The following PLEKHM1 variants were observed in gnomAD, a reference collection of about 807,000 sequenced individuals.
PLEKHM1 encodes pleckstrin homology domain-containing family M member 1.
Under a neutral mutation model 94.3 loss-of-function variants are expected in PLEKHM1, and 28 were observed. The observed-to-expected ratio is 0.30, with a 90% CI of 0.22 to 0.41. PLEKHM1 has a LOEUF of 0.41. PLEKHM1 is among the 10% of genes least tolerant of loss of function. The probability of loss-of-function intolerance (pLI) is 1.00; values close to 1 mark genes in which losing one functional copy is unlikely to be tolerated. For missense variants in PLEKHM1, 907 were observed against 1,358.6 expected (o/e 0.67, Z 5.22); for synonymous variants, 424 against 581.2 (o/e 0.73, Z 3.89).
chr17:45,437,717 T>G lies in PLEKHM1; in HGVS notation c.*141A>C. On this transcript the variant is annotated 3_prime_UTR_variant, in exon 12 of 12. Transcript: ENST00000430334. This position sits in a 1 kb window ranked among gnomAD's most constrained non-coding sequence, Gnocchi z 4.0. The stretch of plus-strand genomic sequence containing the variant: ...TCCTGGGCTTTCTCTGGGAGGCCGG[T>G]GCTCTGGCCACATCTGAGGGTCTTC... 4.0e-6 allele frequency: 3 copies of G among 743,306 alleles called. No individual in the cohort carries two copies. Among genetic ancestry groups the G allele is most frequent in the Non-Finnish European group, 7.2e-6 (3 of 417,796 alleles). 46.0% of individuals were successfully genotyped at this position (743,306 alleles called of 1,614,324 possible). A position where few individuals can be genotyped will look rare whatever the true frequency, so the allele number is the denominator to read the frequency against.
rs1274455772 is a variant in PLEKHM1 at position 45,437,547 on chromosome 17, A to C, written c.*311T>G. On this transcript the variant is annotated 3_prime_UTR_variant, in exon 12 of 12. Transcript: ENST00000430334. This position sits in a 1 kb window ranked among gnomAD's most constrained non-coding sequence, Gnocchi z 4.0. ...AGTCCCCTTTCCACAGTGTTTGGGC[A>C]GCCCTAACGGAGGCGCCGGGACGCT... 7 of 606,786 alleles carry C rather than the reference A, an allele frequency of 1.2e-5. No individual in the cohort carries two copies. The Admixed American group carries it at 1.5e-4, about 13-fold the overall frequency. 37.6% of individuals were successfully genotyped at this position (606,786 alleles called of 1,614,324 possible).
intron 1 of PLEKHM1, among the ~76,000 whole-genome samples, chr17:45,484,047 C>T (rs1187875142): frequency 2.0e-5 from 3 of 152,252 alleles, no homozygotes; most frequent in African/African-American, 7.2e-5. Flanking sequence ...TTAGACACAA[C>T]TGACCAGCAT....
chr17:45,454,250 A>G lies in PLEKHM1; in HGVS notation c.1602T>C (p.Gly534=). ...GCTCCACGGTGCCCAGCTTCATGAGACCCCGGAATGGGTTGGACAGTCCTG... is the reference window on the plus strand; with the variant it reads ...GCTCCACGGTGCCCAGCTTCATGAGGCCCCGGAATGGGTTGGACAGTCCTG... ...RQMGLSNPFR[G]LMKLGTVERR... is the part of the protein sequence containing the mutation. Residue 534 remains glycine (G), a synonymous_variant, in exon 7 of 12, where the codon GGT becomes GGC. Coordinates refer to ENST00000430334, the MANE Select transcript of PLEKHM1 (RefSeq NM_014798.3). 6.2e-7 allele frequency: 1 copy of G among 1,608,714 alleles called. No homozygotes were observed. The highest frequency in any genetic ancestry group is 8.5e-7 in the Non-Finnish European group (1 of 1,177,874).
In PLEKHM1 at chr17:45,436,302, T is replaced by C. The variant is rs1305470456; in HGVS notation, c.*1556A>G. 2.2e-6 allele frequency: 1 copy of C among 454,186 alleles called. No homozygotes were observed. The highest frequency in any genetic ancestry group is 4.4e-6 in the Non-Finnish European group (1 of 226,808). 28.1% of individuals were successfully genotyped at this position (454,186 alleles called of 1,614,324 possible). ...CCATGGCGGTGCATAACCCAGCTCC[T>C]GGCTTAGGAGGCATTGGCGTCTGGG... On this transcript the variant is annotated 3_prime_UTR_variant, in exon 12 of 12. Coordinates refer to ENST00000430334, the MANE Select transcript of PLEKHM1 (RefSeq NM_014798.3).
At position 45,440,234 on chromosome 17, in the gene PLEKHM1, C is replaced by CA; in HGVS notation, c.2838-9dup. Reference sequence around the variant, plus strand: ...TAATTCCTGTGGTTGAGCCTTCAAACAAAACACAAGCGATTCTTTAGAAAG... The same window carrying CA: ...TAATTCCTGTGGTTGAGCCTTCAAACAAAAACACAAGCGATTCTTTAGAAAG... On this transcript the variant is annotated splice_polypyrimidine_tract_variant and intron_variant, in intron 9 of 11. Transcript: ENST00000430334. The CA allele has an allele frequency of 3.7e-6, 6 of 1,613,710 alleles. No homozygotes were observed. The highest frequency in any genetic ancestry group is 5.1e-6 in the Non-Finnish European group (6 of 1,179,602).
rs1430089848 is a variant in PLEKHM1 at position 45,437,490 on chromosome 17, A to C, written c.*368T>G. On this transcript the variant is annotated 3_prime_UTR_variant, in exon 12 of 12. Transcript: ENST00000430334. The surrounding 1 kb of genome is among the most constrained non-coding windows in gnomAD (Gnocchi z 4.0). ...CCCACCTTAAAAAACTAGACCTTTT[A>C]ATCAGGAATGTGGAATTGAAAATGC... 3.9e-6 allele frequency: 2 copies of C among 510,392 alleles called. No homozygotes were observed. Among genetic ancestry groups the C allele is most frequent in the Non-Finnish European group, 3.8e-6 (1 of 263,934 alleles). 31.6% of individuals were successfully genotyped at this position (510,392 alleles called of 1,614,324 possible).
At chr17:45,438,620 G>A (rs1173656031) in intron 11 of PLEKHM1, among the ~76,000 whole-genome samples, 1 of 151,740 alleles carries the variant, frequency 6.6e-6, no homozygotes, top group Non-Finnish European at 1.5e-5. Context: ...GCAGTGGCAC[G>A]ATCTCGGCTC....
At chr17:45,472,895 G>A (rs2051563072) in intron 4 of PLEKHM1, among the ~76,000 whole-genome samples, 1 of 152,158 alleles carries the variant, frequency 6.6e-6, no homozygotes, top group Non-Finnish European at 1.5e-5. Flanking sequence ...AGGGCACAGG[G>A]CGAGTGGAAA....
At chr17:45,487,662 T>C (rs946942364) in intron 1 of PLEKHM1, 6 of 455,720 alleles carry the variant, frequency 1.3e-5, no homozygotes, top group Admixed American at 1.2e-4. Context: ...CTTCTCTATA[T>C]GTCCAATTTC....
At chr17:45,467,813 T>A (rs887408194) in intron 5 of PLEKHM1, among the ~76,000 whole-genome samples, 7 of 151,910 alleles carry the variant, frequency 4.6e-5, no homozygotes, top group Non-Finnish European at 1.0e-4. Context: ...TAATAACAAG[T>A]ACTAAGGAGG....
chr17:45,478,572 G>A (rs2051834843), intron 2 of PLEKHM1, among the ~76,000 whole-genome samples: 1 of 152,176 alleles, frequency 6.6e-6, no homozygotes, highest in Admixed American at 6.5e-5. Flanking sequence ...CTTCTGTAGA[G>A]AATCAATAAG....
At chr17:45,485,149 C>T (rs1365985779) in intron 1 of PLEKHM1, among the ~76,000 whole-genome samples, 1 of 152,144 alleles carries the variant, frequency 6.6e-6, no homozygotes, top group African/African-American at 2.4e-5. Context: ...ATTCTCAGAG[C>T]CCTCCTCTGG....
At chr17:45,440,642 G>A (rs1293578662) in intron 9 of PLEKHM1, among the ~76,000 whole-genome samples, 1 of 152,242 alleles carries the variant, frequency 6.6e-6, no homozygotes, top group Non-Finnish European at 1.5e-5. Flanking sequence ...ATAATTCTGT[G>A]AGGCTGGTAC....
chr17:45,486,033 G>A (rs1285750169), intron 1 of PLEKHM1, among the ~76,000 whole-genome samples: 5 of 149,998 alleles, frequency 3.3e-5, no homozygotes, highest in African/African-American at 4.9e-5. Context: ...TGGCTAACAC[G>A]GTGAAACCCC....
Position 45,445,467 on chromosome 17 carries a change from C to T in PLEKHM1, c.2837+3G>A, listed in dbSNP as rs377555906. ...CACACGCATACACGTAGAGGTTGCT[C>T]ACCTCTTGCTGAGCTCCTTCAGGGC... On this transcript the variant is annotated splice_donor_region_variant and intron_variant, in intron 9 of 11. Transcript: ENST00000430334. The surrounding 1 kb of genome is among the most constrained non-coding windows in gnomAD (Gnocchi z 4.2). 207 of 1,610,908 alleles carry T rather than the reference C, an allele frequency of 1.3e-4. No homozygotes were observed. The highest frequency in any genetic ancestry group is 1.6e-4 in the Non-Finnish European group (189 of 1,177,372).
Position 45,453,425 on chromosome 17 carries a change from G to A in PLEKHM1, c.2427C>T (p.Gly809=), listed in dbSNP as rs1462889573. The change falls in exon 7 of 12, where the codon GGC becomes GGT. Residue 809 remains glycine (G), a synonymous_variant. Coordinates refer to ENST00000430334, the MANE Select transcript of PLEKHM1 (RefSeq NM_014798.3). This position sits in a 1 kb window ranked among gnomAD's most constrained non-coding sequence, Gnocchi z 4.1. ...EVLKFATREN[G]FLLQYLVAIP... is the part of the protein sequence containing the mutation. ...TAGCCACCAGGTACTGCAGCAGGAA[G>A]CCATTCTCCCGGGTGGCAAATTTCA... The A allele has an allele frequency of 3.7e-6, 6 of 1,613,632 alleles. No homozygotes were observed. The highest frequency in any genetic ancestry group is 5.1e-6 in the Non-Finnish European group (6 of 1,179,734).
At chr17:45,435,830 C>T, downstream of PLEKHM1, 1 of 401,542 alleles carries the variant, frequency 2.5e-6, no homozygotes, top group South Asian at 1.8e-5. Flanking sequence ...GGGACCCTGA[C>T]AGATGGTAAC....
In PLEKHM1 at chr17:45,462,598, T is replaced by G. The variant is rs370553018; in HGVS notation, c.1309-4159A>C. Among the ~76,000 whole-genome samples the G allele has an allele frequency of 1.4e-4, 21 of 152,214 alleles. No individual in the cohort carries two copies. In the East Asian group the frequency reaches 1.9e-3, roughly 14 times the overall value. On this transcript the variant is annotated intron_variant, in intron 5 of 11. Coordinates refer to ENST00000430334, the MANE Select transcript of PLEKHM1 (RefSeq NM_014798.3). ...GGGCCCCTACTGGGATCCCACAATA[T>G]TCTGTGCTTACCCTCATTCTAGCAT... is the stretch of plus-strand genomic sequence containing the variant.
At chr17:45,482,866 T>C (rs1341504728) in intron 1 of PLEKHM1, among the ~76,000 whole-genome samples, 3 of 151,468 alleles carry the variant, frequency 2.0e-5, no homozygotes, top group African/African-American at 7.3e-5. Flanking sequence ...CTGATTCAGA[T>C]ACGGAGCTGC....
Sources: gnomAD v4.1 joint callset for allele counts (sites outside exome capture counted in the v4.1 genomes callset) on GRCh38, gnomAD v4.1.1 for gene constraint, Gnocchi (gnomAD v3.1) non-coding constraint, MANE v1.5 for transcripts, NCBI Gene and HGNC (gene_info 2026-07-23, HGNC 2026-07-21) for gene names.